ANKFN1: variants seen among roughly 807,000 people sequenced by gnomAD.
ANKFN1 encodes ankyrin repeat and fibronectin type-III domain-containing protein 1.
ANKFN1 carries 74 observed loss-of-function variants against 108.7 expected under a neutral mutation model. The observed-to-expected ratio is 0.68, with a 90% CI of 0.56 to 0.83. The LOEUF (loss-of-function observed/expected upper bound fraction) is 0.83. Ranked by LOEUF, ANKFN1 falls within the 40% of genes least tolerant of loss-of-function variation. ANKFN1 has a pLI of 0.00. For synonymous variants in ANKFN1, 547 were observed against 516.2 expected, an observed-to-expected ratio of 1.06 and a Z score of -0.81; for missense variants, 1,505 against 1,382.3, an observed-to-expected ratio of 1.09 and a Z score of -1.41.
In ANKFN1 at chr17:56,449,263, G is replaced by T. The variant is rs1373291025; in HGVS notation, c.1207+77G>T. On this transcript the variant is annotated intron_variant, in intron 11 of 20. Transcript: ENST00000682825. ...GTAATTTTAGCAGTTTCCTAACTGG[G>T]TCATACCTTCTCATTCATCAGGGAG... 6 of 1,045,380 alleles carry T rather than the reference G, an allele frequency of 5.7e-6. No individual in the cohort carries two copies. In the East Asian group the frequency reaches 1.5e-4, roughly 26 times the overall value. The allele number at this position is 1,045,380 out of a possible 1,614,324, so 64.8% of individuals were successfully genotyped here. A position where few individuals can be genotyped will look rare whatever the true frequency, so the allele number is the denominator to read the frequency against.
intron 1 of ANKFN1, among the ~76,000 whole-genome samples, chr17:56,194,018 G>A (rs78513794): frequency 6.6e-6 from 1 of 152,184 alleles, no homozygotes; most frequent in Non-Finnish European, 1.5e-5. Flanking sequence ...GTGAGCACAT[G>A]CAGAGGTACT....
intron 4 of ANKFN1, among the ~76,000 whole-genome samples, chr17:56,332,550 C>T (rs986882502): frequency 6.6e-6 from 1 of 152,090 alleles, no homozygotes; most frequent in Non-Finnish European, 1.5e-5. Flanking sequence ...AAAAGATTAT[C>T]TTTTTTCCTA....
intron 14 of ANKFN1, among the ~76,000 whole-genome samples, chr17:56,464,664 G>C (rs1223361376): frequency 6.6e-6 from 1 of 152,122 alleles, no homozygotes; most frequent in Non-Finnish European, 1.5e-5. Context: ...TCCAATTAGA[G>C]CAGTAAAGAA....
At chr17:56,483,584 A>G (rs1678542160) in intron 18 of ANKFN1, among the ~76,000 whole-genome samples, 1 of 152,232 alleles carries the variant, frequency 6.6e-6, no homozygotes, top group Admixed American at 6.5e-5. Flanking sequence ...TGTTCTTACA[A>G]GAAGCTCAAA....
chr17:56,198,927 T>C (rs950027327), intron 1 of ANKFN1, among the ~76,000 whole-genome samples: 4 of 152,206 alleles, frequency 2.6e-5, no homozygotes, highest in African/African-American at 9.7e-5. Context: ...TCCTTCTTCT[T>C]AATAATTATT....
At chr17:56,340,036 T>C (rs1415389115) in intron 4 of ANKFN1, among the ~76,000 whole-genome samples, 1 of 152,192 alleles carries the variant, frequency 6.6e-6, no homozygotes, top group Non-Finnish European at 1.5e-5. Flanking sequence ...GGTTTTGATT[T>C]GTATTTCTCT....
chr17:56,401,857 G>A (rs1187684365), intron 8 of ANKFN1, among the ~76,000 whole-genome samples: 5 of 152,056 alleles, frequency 3.3e-5, no homozygotes, highest in Admixed American at 6.6e-5. Context: ...TTACATTAAG[G>A]TATGTCCCCT....
intron 4 of ANKFN1, among the ~76,000 whole-genome samples, chr17:56,072,029 G>T (rs1195400327): frequency 6.6e-6 from 1 of 152,176 alleles, no homozygotes; most frequent in African/African-American, 2.4e-5. Flanking sequence ...ATCTGTGATT[G>T]GTTGCTGCGC....
chr17:56,506,659 A>G (rs1037006080), intron 20 of ANKFN1, among the ~76,000 whole-genome samples: 2 of 151,160 alleles, frequency 1.3e-5, no homozygotes, highest in Admixed American at 6.6e-5. Flanking sequence ...AAGATCTAGT[A>G]TGTTTCTCTA....
chr17:56,130,607 C>T (rs964120571), intron 4 of ANKFN1, among the ~76,000 whole-genome samples: 1 of 151,862 alleles, frequency 6.6e-6, no homozygotes, highest in African/African-American at 2.4e-5. Flanking sequence ...TTATTGACTT[C>T]TCCCTGGGCA....
At chr17:56,493,345 G>T (rs555558019) in intron 19 of ANKFN1, among the ~76,000 whole-genome samples, 8 of 152,134 alleles carry the variant, frequency 5.3e-5, no homozygotes, top group Non-Finnish European at 1.0e-4. Flanking sequence ...TCCCATGAAG[G>T]ATGTAATTGA....
Position 56,498,879 on chromosome 17 carries a change from A to C in ANKFN1, c.2428-3A>C. 1 of 1,535,030 alleles carries C rather than the reference A, an allele frequency of 6.5e-7. No individual in the cohort carries two copies. The highest frequency in any genetic ancestry group is 8.7e-7 in the Non-Finnish European group (1 of 1,146,048). ...TAGTGTCTTTTACCATTTTATTCCA[A>C]AGCAAATAGATGAAGTCTGGCGTGA... is the stretch of plus-strand genomic sequence containing the variant. On this transcript the variant is annotated splice_polypyrimidine_tract_variant and splice_region_variant and intron_variant, in intron 19 of 20. Coordinates refer to ENST00000682825, the MANE Select transcript of ANKFN1 (RefSeq NM_001370326.1).
intron 4 of ANKFN1, among the ~76,000 whole-genome samples, chr17:56,349,415 A>T (rs1283040926): frequency 6.6e-6 from 1 of 151,798 alleles, no homozygotes; most frequent in East Asian, 1.9e-4. Context: ...GCCTGAGGAC[A>T]TTTAACAATA....
intron 8 of ANKFN1, among the ~76,000 whole-genome samples, chr17:56,427,607 TG>T (rs922230812): frequency 6.6e-6 from 1 of 152,034 alleles, no homozygotes; most frequent in Non-Finnish European, 1.5e-5. Flanking sequence ...GAGACAACTC[TG>T]GCCCCTGGGG....
chr17:56,454,138 A>G, intron 11 of ANKFN1, among the ~76,000 whole-genome samples: 1 of 152,112 alleles, frequency 6.6e-6, no homozygotes, highest in South Asian at 2.1e-4. Context: ...TGGTTCTCCC[A>G]CATTCGTCCT....
chr17:56,070,030 C>T (rs939186030), intron 4 of ANKFN1, among the ~76,000 whole-genome samples: 1 of 152,168 alleles, frequency 6.6e-6, no homozygotes, highest in Non-Finnish European at 1.5e-5. Context: ...TCTTGCCCAT[C>T]TTGGTTTTGG....
chr17:56,074,710 G>A (rs149194863), intron 4 of ANKFN1, among the ~76,000 whole-genome samples: 1 of 152,258 alleles, frequency 6.6e-6, no homozygotes. Flanking sequence ...CCAGAAAAAT[G>A]GAATATTTGA....
intron 20 of ANKFN1, among the ~76,000 whole-genome samples, chr17:56,504,191 A>G (rs1256798534): frequency 6.6e-6 from 1 of 152,226 alleles, no homozygotes; most frequent in Non-Finnish European, 1.5e-5. Flanking sequence ...GATTCCCACT[A>G]CAGCAGTGTT....
intron 18 of ANKFN1, among the ~76,000 whole-genome samples, chr17:56,491,625 G>GCCAAGAAGC (rs2051042919): frequency 6.6e-6 from 1 of 152,150 alleles, no homozygotes; most frequent in South Asian, 2.1e-4. Flanking sequence ...ATCCAGAGGG[G>GCCAAGAAGC]CCAAGAAGCG....
Sources: gnomAD v4.1 joint callset for allele counts (sites outside exome capture counted in the v4.1 genomes callset) on GRCh38, gnomAD v4.1.1 for gene constraint, MANE v1.5 for transcripts, NCBI Gene and HGNC (gene_info 2026-07-23, HGNC 2026-07-21) for gene names.